The following ZPLD1 variants were observed in gnomAD, a reference collection of about 807,000 sequenced individuals.
ZPLD1 encodes the protein zona pellucida-like domain-containing protein 1.
A neutral mutation model predicts 47.2 loss-of-function variants in ZPLD1; 34 were observed. The ratio of observed to expected loss-of-function variants is 0.72; its 90% CI spans 0.55 to 0.96. The LOEUF is 0.96. Among genes scored for constraint, ZPLD1 ranks in the 40% least tolerant of loss-of-function variants. The pLI, the probability that ZPLD1 is intolerant of heterozygous loss-of-function variation, is 0.00. For missense variants in ZPLD1, 512 were observed against 505.8 expected (o/e 1.01, Z -0.12); for synonymous variants, 176 against 186.2 (o/e 0.95, Z 0.45).
chr3:102,453,112 C>T lies in ZPLD1; in HGVS notation c.300C>T (p.Thr100=). 6.2e-7 allele frequency: 1 copy of T among 1,613,978 alleles called. No homozygotes were observed. Reference sequence around the variant, plus strand: ...TCATTTTTATCATCAATCTCAGCACCTTGGAGGGCTGTGGAAACAACCTGG... The same window carrying T: ...TCATTTTTATCATCAATCTCAGCACTTTGGAGGGCTGTGGAAACAACCTGG... ...AVVIFIINLS[T]LEGCGNNLVV... is the part of the protein sequence containing the mutation. Residue 100 remains threonine, a synonymous_variant, in exon 4 of 12, where the codon ACC becomes ACT. Coordinates refer to ENST00000466937, the MANE Select transcript of ZPLD1 (RefSeq NM_001329788.2).
At chr3:102,437,026 T>C (rs1432036347) in intron 2 of ZPLD1, 53 bp downstream of exon 2, 1 of 773,570 alleles carries the variant, frequency 1.3e-6, no homozygotes, top group Non-Finnish European at 1.6e-6. Flanking sequence ...TTCTAGTGTC[T>C]TCCAAAGACT....
At chr3:102,466,061 C>A (rs547881998) in intron 8 of ZPLD1, among the ~76,000 whole-genome samples, 2 of 152,232 alleles carry the variant, frequency 1.3e-5, no homozygotes, top group South Asian at 4.1e-4. Context: ...AGTGGCAGAT[C>A]TCATAAAGTA....
chr3:102,465,501 A>G (rs1000490236), intron 8 of ZPLD1, among the ~76,000 whole-genome samples: 36 of 152,124 alleles, frequency 2.4e-4, no homozygotes, highest in Admixed American at 9.2e-4. Flanking sequence ...CTTCATTTAT[A>G]TAACAGAAAA....
At chr3:102,407,772 T>A (rs1706707394) in intron 7 of ZPLD1, among the ~76,000 whole-genome samples, 1 of 151,694 alleles carries the variant, frequency 6.6e-6, no homozygotes, top group Non-Finnish European at 1.5e-5. Flanking sequence ...ATACTGTGTT[T>A]ATTGTCCTGA....
intron 4 of ZPLD1, among the ~76,000 whole-genome samples, chr3:102,455,117 A>G (rs1258527146): frequency 1.3e-5 from 2 of 152,230 alleles, no homozygotes; most frequent in Non-Finnish European, 2.9e-5. Flanking sequence ...CCATTTATCA[A>G]TTAACTAGAT....
At chr3:102,388,148 C>T (rs534701547) in intron 6 of ZPLD1, among the ~76,000 whole-genome samples, 20 of 152,262 alleles carry the variant, frequency 1.3e-4, no homozygotes, top group African/African-American at 4.8e-4. Flanking sequence ...GCGTGAGCCA[C>T]CATGCCCGGC....
intron 7 of ZPLD1, among the ~76,000 whole-genome samples, chr3:102,400,468 T>C (rs1706607303): frequency 6.6e-6 from 1 of 151,954 alleles, no homozygotes; most frequent in Admixed American, 6.6e-5. Context: ...GGTCCCAGGC[T>C]TCTCTATGGG....
At chr3:102,402,732 A>G (rs1706635810) in intron 7 of ZPLD1, among the ~76,000 whole-genome samples, 2 of 151,942 alleles carry the variant, frequency 1.3e-5, no homozygotes, top group African/African-American at 4.8e-5. Context: ...TCAAGCAAAA[A>G]CCCAGAGGTT....
chr3:102,411,316 A>G (rs1706745437), intron 7 of ZPLD1, among the ~76,000 whole-genome samples: 2 of 151,802 alleles, frequency 1.3e-5, no homozygotes, highest in African/African-American at 4.8e-5. Context: ...CACAGGCTCA[A>G]TTCAATACTT....
chr3:102,473,727 A>T (rs1193566322), intron 10 of ZPLD1, among the ~76,000 whole-genome samples: 1 of 152,226 alleles, frequency 6.6e-6, no homozygotes, highest in Non-Finnish European at 1.5e-5. Flanking sequence ...ATTTTTAAAA[A>T]TTCCACATGA....
At chr3:102,393,869 G>A (rs551960780) in intron 7 of ZPLD1, among the ~76,000 whole-genome samples, 41 of 152,130 alleles carry the variant, frequency 2.7e-4, no homozygotes, top group East Asian at 5.8e-4. Flanking sequence ...TGAGATCTTC[G>A]TGATTTTTAG....
intron 7 of ZPLD1, among the ~76,000 whole-genome samples, chr3:102,404,294 G>A (rs1706656621): frequency 1.3e-5 from 2 of 151,894 alleles, no homozygotes; most frequent in South Asian, 4.1e-4. Context: ...TGTTCTTTTG[G>A]ATCAGAAGGG....
chr3:102,428,033 C>T (rs770627071), intron 8 of ZPLD1, among the ~76,000 whole-genome samples: 1 of 152,146 alleles, frequency 6.6e-6, no homozygotes, highest in Non-Finnish European at 1.5e-5. Context: ...ATATTCTATG[C>T]AATTAGTAAA....
intron 3 of ZPLD1, among the ~76,000 whole-genome samples, chr3:102,443,316 C>G (rs1413105809): frequency 6.6e-6 from 1 of 152,086 alleles, no homozygotes; most frequent in East Asian, 1.9e-4. Flanking sequence ...GTTTTGAGTA[C>G]CAGGCACCTC....
intron 7 of ZPLD1, among the ~76,000 whole-genome samples, chr3:102,403,193 T>C (rs1706643659): frequency 6.6e-6 from 1 of 151,920 alleles, no homozygotes; most frequent in Non-Finnish European, 1.5e-5. Context: ...GATTTATATT[T>C]ACTATTGTGG....
chr3:102,464,331 T>C (rs774505968), intron 8 of ZPLD1, 80 bp downstream of exon 8: 16 of 1,025,682 alleles, frequency 1.6e-5, no homozygotes, highest in Admixed American at 1.4e-4. Flanking sequence ...CTAAGTCAGA[T>C]AAATTATAAA....
At chr3:102,446,589 A>G (rs1320348292) in intron 3 of ZPLD1, among the ~76,000 whole-genome samples, 2 of 151,984 alleles carry the variant, frequency 1.3e-5, no homozygotes, top group East Asian at 1.9e-4. Flanking sequence ...GAATTTTTTT[A>G]TCTTAGGGCA....
chr3:102,406,144 C>T (rs1049289704), intron 7 of ZPLD1, among the ~76,000 whole-genome samples: 1 of 151,946 alleles, frequency 6.6e-6, no homozygotes, highest in Non-Finnish European at 1.5e-5. Flanking sequence ...GATCTCTTCA[C>T]AGAAGAGATG....
chr3:102,398,126 T>C (rs940045629), intron 7 of ZPLD1, among the ~76,000 whole-genome samples: 1 of 152,086 alleles, frequency 6.6e-6, no homozygotes, highest in Non-Finnish European at 1.5e-5. Flanking sequence ...AAAGCTTTGA[T>C]TTTAGAAAAA....
Sources: gnomAD v4.1 joint callset for allele counts (sites outside exome capture counted in the v4.1 genomes callset) on GRCh38, gnomAD v4.1.1 for gene constraint, MANE v1.5 for transcripts, NCBI Gene and HGNC (gene_info 2026-07-23, HGNC 2026-07-21) for gene names.